BABAM2: variants seen among roughly 807,000 people sequenced by gnomAD.
The protein encoded by BABAM2 is BRISC and BRCA1-A complex member 2.
Under a neutral mutation model 54.7 loss-of-function variants are expected in BABAM2, and 31 were observed. The ratio of observed to expected loss-of-function variants is 0.57; its 90% CI spans 0.43 to 0.77. The LOEUF is 0.77. BABAM2 is among the 30% of genes least tolerant of loss of function. The probability of loss-of-function intolerance (pLI) is 0.00; values close to 1 mark genes in which losing one functional copy is unlikely to be tolerated. For synonymous variants in BABAM2, 167 were observed against 162.9 expected, an observed-to-expected ratio of 1.03 and a Z score of -0.19; for missense variants, 364 against 455.8, an observed-to-expected ratio of 0.80 and a Z score of 1.83.
chr2:28,316,455 A>G (rs1689571026), intron 11 of BABAM2, among the ~76,000 whole-genome samples: 1 of 149,184 alleles, frequency 6.7e-6, no homozygotes, highest in Non-Finnish European at 1.5e-5. Flanking sequence ...TCGGGGGTGA[A>G]GCAAGGAAGA....
intron 3 of BABAM2, among the ~76,000 whole-genome samples, chr2:27,976,551 G>C (rs539774486): frequency 3.9e-5 from 6 of 152,208 alleles, no homozygotes; most frequent in Non-Finnish European, 8.8e-5. Context: ...CCAGGAATAA[G>C]GAATGGTCGG....
At chr2:27,933,515 T>C (rs925263506) in intron 3 of BABAM2, among the ~76,000 whole-genome samples, 3 of 151,808 alleles carry the variant, frequency 2.0e-5, no homozygotes, top group African/African-American at 7.3e-5. Flanking sequence ...TACACATATA[T>C]ATACACACAC....
chr2:28,092,261 A>G (rs1666214602), intron 6 of BABAM2, among the ~76,000 whole-genome samples: 1 of 152,194 alleles, frequency 6.6e-6, no homozygotes, highest in Non-Finnish European at 1.5e-5. Context: ...ATGATTGGAA[A>G]GGAAGAAGTA....
chr2:28,165,908 C>G (rs111710061), intron 7 of BABAM2, among the ~76,000 whole-genome samples: 23 of 152,250 alleles, frequency 1.5e-4, no homozygotes, highest in African/African-American at 5.1e-4. Flanking sequence ...TATGTTGAAG[C>G]CTTAACCCCC....
Position 28,298,476 on chromosome 2 carries a change from T to C in BABAM2, c.1073T>C (p.Met358Thr). ...AGCCCCAGATGGGATGGAAATGAAA[T>C]GGCCAAAAGAGCAAAGTAAGTGAAT... The part of the protein sequence containing the change: ...PYSPRWDGNE[M>T]AKRAKAYFKT... Residue 358 changes from methionine (M) to threonine (T), a missense_variant, in exon 11 of 12, where the codon ATG (methionine) becomes ACG (threonine). Transcript: ENST00000379624. 1 of 1,614,106 alleles carries C rather than the reference T, an allele frequency of 6.2e-7. No individual in the cohort carries two copies. The highest frequency in any genetic ancestry group is 8.5e-7 in the Non-Finnish European group (1 of 1,179,988).
At chr2:28,032,993 G>A (rs990959942) in intron 5 of BABAM2, among the ~76,000 whole-genome samples, 6 of 152,148 alleles carry the variant, frequency 3.9e-5, no homozygotes, top group South Asian at 2.1e-4. Flanking sequence ...CATCACACAC[G>A]TAATTTCCTG....
At chr2:27,990,320 GAC>G (rs1672691970) in intron 4 of BABAM2, among the ~76,000 whole-genome samples, 1 of 152,186 alleles carries the variant, frequency 6.6e-6, no homozygotes, top group Non-Finnish European at 1.5e-5. Context: ...ATCCCCAGCA[GAC>G]ATTTCTCTGA....
chr2:28,040,372 C>T (rs1361185935), intron 5 of BABAM2, among the ~76,000 whole-genome samples: 4 of 133,030 alleles, frequency 3.0e-5, no homozygotes, highest in Non-Finnish European at 6.2e-5. Context: ...GGGATCTCGG[C>T]TCACTGCAAG....
intron 3 of BABAM2, among the ~76,000 whole-genome samples, chr2:27,936,733 G>A (rs1668512448): frequency 6.6e-6 from 1 of 151,920 alleles, no homozygotes; most frequent in South Asian, 2.1e-4. Context: ...TCACTCATAG[G>A]TGGGAATTGA....
intron 11 of BABAM2, among the ~76,000 whole-genome samples, chr2:28,303,205 A>AT (rs1053367129): frequency 6.6e-6 from 1 of 151,962 alleles, no homozygotes; most frequent in African/African-American, 2.4e-5. Flanking sequence ...GAAAATCTTC[A>AT]TTTTTTAAAT....
chr2:27,939,982 ATTG>A (rs1668756805), intron 3 of BABAM2, among the ~76,000 whole-genome samples: 1 of 152,224 alleles, frequency 6.6e-6, no homozygotes, highest in Non-Finnish European at 1.5e-5. Flanking sequence ...TGAAGAGACA[ATTG>A]TTGGCCAGTA....
chr2:28,104,869 A>G lies in BABAM2; in HGVS notation c.571-24402A>G, dbSNP rs560346115. 7.6e-3 allele frequency among the ~76,000 whole-genome samples: 1,164 copies of G among 152,312 alleles called. 15 individuals are homozygous for G. Among genetic ancestry groups the G allele is most frequent in the African/African-American group, 0.027 (1,126 of 41,548 alleles). On this transcript the variant is annotated intron_variant, in intron 6 of 11. Transcript: ENST00000379624. Reference sequence around the variant, plus strand: ...GAATACTGTGCAGCCATAAAAAATGATGAGTTCATGTCCTTTGTAGGGACA... The same window carrying G: ...GAATACTGTGCAGCCATAAAAAATGGTGAGTTCATGTCCTTTGTAGGGACA...
chr2:28,322,443 G>A lies in BABAM2; in HGVS notation c.1089-16007G>A, dbSNP rs2148312279. Among the ~76,000 whole-genome samples the A allele has an allele frequency of 6.6e-6, 1 of 152,348 alleles. No individual in the cohort carries two copies. Among genetic ancestry groups the A allele is most frequent in the South Asian group, 2.1e-4 (1 of 4,828 alleles). Reference sequence around the variant, plus strand: ...ACAGATTCCAGTTCGGGAGAGAGAAGAACCCTGTAACTCTTAGAGGCGCCT... The same window carrying A: ...ACAGATTCCAGTTCGGGAGAGAGAAAAACCCTGTAACTCTTAGAGGCGCCT... On this transcript the variant is annotated intron_variant, in intron 11 of 11. Coordinates refer to ENST00000379624, the MANE Select transcript of BABAM2 (RefSeq NM_199191.3). This position sits in a 1 kb window ranked among gnomAD's most constrained non-coding sequence, Gnocchi z 4.1.
intron 5 of BABAM2, among the ~76,000 whole-genome samples, chr2:28,038,465 A>G (rs1316416749): frequency 1.3e-5 from 2 of 152,200 alleles, no homozygotes; most frequent in African/African-American, 2.4e-5. Context: ...TTTGGTTTCT[A>G]TTGATCTTGC....
At chr2:28,229,345 G>A (rs916468095) in intron 7 of BABAM2, among the ~76,000 whole-genome samples, 2 of 152,164 alleles carry the variant, frequency 1.3e-5, no homozygotes, top group Non-Finnish European at 2.9e-5. Flanking sequence ...TGTAAGATGG[G>A]ATAACACTTC....
At chr2:28,298,547 A>T (rs1236719053) in intron 11 of BABAM2, 56 bp downstream of exon 11, 23 of 1,602,570 alleles carry the variant, frequency 1.4e-5, no homozygotes, top group Non-Finnish European at 1.9e-5. Context: ...TATCTAGTCC[A>T]GGGGTTGGCA....
chr2:28,184,964 A>G (rs1676126442), intron 7 of BABAM2, among the ~76,000 whole-genome samples: 1 of 152,234 alleles, frequency 6.6e-6, no homozygotes, highest in Non-Finnish European at 1.5e-5. Context: ...CTTGGTTCAT[A>G]ATGAAATGGA....
intron 3 of BABAM2, among the ~76,000 whole-genome samples, chr2:27,979,647 A>C (rs1402753790): frequency 6.6e-6 from 1 of 152,144 alleles, no homozygotes; most frequent in Non-Finnish European, 1.5e-5. Context: ...ACTTTTTAGT[A>C]ATAGCCATTC....
intron 7 of BABAM2, among the ~76,000 whole-genome samples, chr2:28,137,526 C>T (rs1670657945): frequency 1.3e-5 from 2 of 152,100 alleles, no homozygotes; most frequent in African/African-American, 2.4e-5. Flanking sequence ...TTTTGTCTTG[C>T]CTGTGCCTCC....
Sources: allele counts gnomAD v4.1 joint callset (sites outside exome capture counted in the v4.1 genomes callset), GRCh38; gene constraint gnomAD v4.1.1; non-coding constraint Gnocchi (gnomAD v3.1); transcripts MANE v1.5; gene names NCBI Gene and HGNC (gene_info 2026-07-23, HGNC 2026-07-21).